Variants in ARPC3 observed in about 807,000 individuals in gnomAD.
ARPC3 encodes the protein actin related protein 2/3 complex subunit 3.
In ARPC3, 12 loss-of-function variants were observed where a neutral mutation model predicts 27.6. The observed-to-expected ratio is 0.43, with a 90% CI of 0.28 to 0.70. The LOEUF (loss-of-function observed/expected upper bound fraction) is 0.70, where lower values mean the gene tolerates loss of function less well. Ranked by LOEUF, ARPC3 falls within the 30% of genes least tolerant of loss-of-function variation. ARPC3 has a pLI of 0.17. For synonymous variants in ARPC3, 53 were observed against 67.2 expected (o/e 0.79, Z 1.03); for missense variants, 153 against 207.7 (o/e 0.74, Z 1.62).
chr12:110,449,937 A>G (rs1299841973), intron 1 of ARPC3, among the ~76,000 whole-genome samples: 4 of 152,140 alleles, frequency 2.6e-5, no homozygotes, highest in Non-Finnish European at 5.9e-5. Flanking sequence ...GAAAAATAAA[A>G]AGCGCAGCCC....
intron 1 of ARPC3, among the ~76,000 whole-genome samples, chr12:110,448,561 C>A (rs1232563659): frequency 1.3e-5 from 2 of 151,508 alleles, no homozygotes; most frequent in Non-Finnish European, 2.9e-5. Flanking sequence ...ACCTGTAGTC[C>A]CAGCTGCTCA....
chr12:110,446,488 T>C (rs1437657942), intron 1 of ARPC3, among the ~76,000 whole-genome samples: 1 of 146,110 alleles, frequency 6.8e-6, no homozygotes, highest in Non-Finnish European at 1.5e-5. Flanking sequence ...GTAGAGACGA[T>C]GTTTCTCCAT....
Position 110,447,773 on chromosome 12 carries a change from A to AAAAC in ARPC3, c.7-2226_7-2223dup, listed in dbSNP as rs533615315. The stretch of plus-strand genomic sequence containing the variant: ...GGCGACACAGCAAGACTCTGTCTCA[A>AAAAC]AAACAAACAAACAAACAAACCCCTC... On this transcript the variant is annotated intron_variant, in intron 1 of 6. Coordinates refer to ENST00000228825, the MANE Select transcript of ARPC3 (RefSeq NM_001278556.2). Among the ~76,000 whole-genome samples the AAAAC allele has an allele frequency of 7.2e-5, 11 of 152,062 alleles. No individual in the cohort carries two copies. In the South Asian group the frequency reaches 8.3e-4, roughly 11 times the overall value.
chr12:110,449,712 T>G (rs746689669), intron 1 of ARPC3, among the ~76,000 whole-genome samples: 8 of 152,056 alleles, frequency 5.3e-5, no homozygotes, highest in Non-Finnish European at 8.8e-5. Context: ...AATTTTTTAC[T>G]CCCACTCTGA....
chr12:110,448,792 G>A (rs1416903316), intron 1 of ARPC3, among the ~76,000 whole-genome samples: 1 of 54,850 alleles, frequency 1.8e-5, no homozygotes, highest in Non-Finnish European at 4.0e-5. Context: ...GGGGGGGGGG[G>A]TGGTGGTACA....
intron 3 of ARPC3, among the ~76,000 whole-genome samples, chr12:110,438,191 G>A (rs1427051179): frequency 2.0e-5 from 3 of 151,764 alleles, no homozygotes; most frequent in Non-Finnish European, 2.9e-5. Context: ...AGCTGCTAGG[G>A]AGGCTAAGGC....
intron 2 of ARPC3, chr12:110,440,594 T>C: frequency 1.1e-5 from 5 of 472,430 alleles, no homozygotes; most frequent in Non-Finnish European, 1.9e-5. Context: ...TCACCCAGGC[T>C]GGAGTGCAGT....
intron 3 of ARPC3, among the ~76,000 whole-genome samples, chr12:110,438,568 C>A (rs948857779): frequency 6.6e-6 from 1 of 151,022 alleles, no homozygotes; most frequent in African/African-American, 2.4e-5. Flanking sequence ...CATTGCACTC[C>A]AGCCTGGTGA....
In ARPC3 at chr12:110,450,265, G is replaced by C. The variant is rs1308788726; in HGVS notation, c.-5C>G. 1.9e-6 allele frequency: 3 copies of C among 1,613,974 alleles called. No individual in the cohort carries two copies. In the Admixed American group the frequency reaches 5.0e-5, roughly 27 times the overall value. On this transcript the variant is annotated 5_prime_UTR_variant, in exon 1 of 7. Coordinates refer to ENST00000228825, the MANE Select transcript of ARPC3 (RefSeq NM_001278556.2). ...GGATCGAACCCTCACCGGCATCTTG[G>C]CGGCGCCCGGGTTTCAACCCAGAGG...
At chr12:110,436,361 T>G in intron 5 of ARPC3, 157 bp from the exon 6 acceptor site, 1 of 1,153,548 alleles carries the variant, frequency 8.7e-7, no homozygotes, top group Non-Finnish European at 1.2e-6. Flanking sequence ...CTATATTTGT[T>G]TTTGTTCAAA....
chr12:110,444,813 T>C (rs1040669048), intron 2 of ARPC3: 2 of 152,562 alleles, frequency 1.3e-5, no homozygotes, highest in Non-Finnish European at 2.9e-5. Context: ...ATAATGGTCT[T>C]GGAAACCATG....
At chr12:110,439,650 T>C (rs2062425216) in intron 3 of ARPC3, among the ~76,000 whole-genome samples, 1 of 152,048 alleles carries the variant, frequency 6.6e-6, no homozygotes, top group Non-Finnish European at 1.5e-5. Flanking sequence ...CTGCCTAACA[T>C]TGTGAAACCC....
At chr12:110,439,740 A>C (rs1161109727) in intron 3 of ARPC3, among the ~76,000 whole-genome samples, 1 of 152,232 alleles carries the variant, frequency 6.6e-6, no homozygotes, top group Non-Finnish European at 1.5e-5. Flanking sequence ...AGGCTGAGGC[A>C]GGAGGACTGT....
chr12:110,440,468 A>G (rs2062429072), intron 2 of ARPC3, 80 bp from the exon 3 acceptor site: 2 of 902,824 alleles, frequency 2.2e-6, no homozygotes, highest in Non-Finnish European at 3.7e-6. Flanking sequence ...CATAAAGGGA[A>G]AACACATACA....
chr12:110,438,373 G>A (rs2062417126), intron 3 of ARPC3, among the ~76,000 whole-genome samples: 1 of 151,224 alleles, frequency 6.6e-6, no homozygotes. Flanking sequence ...TCCAAGGTGG[G>A]TGTATCACGA....
In ARPC3 at chr12:110,447,153, T is replaced by A. The variant is rs978852154; in HGVS notation, c.7-1602A>T. Among the ~76,000 whole-genome samples the A allele has an allele frequency of 2.0e-5, 3 of 152,228 alleles. No homozygotes were observed. The East Asian group carries it at 5.8e-4, about 29-fold the overall frequency. ...TCAGCTCTGCCACTTCATGGCGTTA[T>A]GCTTTTGACCAAGACATCATTCTTC... is the stretch of plus-strand genomic sequence containing the variant. On this transcript the variant is annotated intron_variant, in intron 1 of 6. Transcript: ENST00000228825.
At chr12:110,440,126 G>A (rs1261317935) in intron 3 of ARPC3, among the ~76,000 whole-genome samples, 186 bp downstream of exon 3, 1 of 152,034 alleles carries the variant, frequency 6.6e-6, no homozygotes, top group Non-Finnish European at 1.5e-5. Flanking sequence ...CCAACCCCTG[G>A]TATAGAATTT....
At chr12:110,449,325 G>A (rs1011246812) in intron 1 of ARPC3, among the ~76,000 whole-genome samples, 6 of 151,964 alleles carry the variant, frequency 3.9e-5, no homozygotes, top group African/African-American at 1.4e-4. Flanking sequence ...CACTTTGGGA[G>A]ACCGAGGGGG....
At chr12:110,447,075 T>C (rs2062468687) in intron 1 of ARPC3, among the ~76,000 whole-genome samples, 1 of 152,194 alleles carries the variant, frequency 6.6e-6, no homozygotes, top group Admixed American at 6.5e-5. Flanking sequence ...ACAAACATCA[T>C]ATAAATCAGG....
Sources: gnomAD v4.1 joint callset for allele counts (sites outside exome capture counted in the v4.1 genomes callset) on GRCh38, gnomAD v4.1.1 for gene constraint, MANE v1.5 for transcripts, NCBI Gene and HGNC (gene_info 2026-07-23, HGNC 2026-07-21) for gene names.